The following ARPC2 variants were observed in gnomAD, a reference collection of about 807,000 sequenced individuals.
ARPC2 encodes actin-related protein 2/3 complex subunit 2.
A neutral mutation model predicts 38.6 loss-of-function variants in ARPC2; 4 were observed. The observed-to-expected ratio is 0.10, with a 90% CI of 0.05 to 0.24. The LOEUF (loss-of-function observed/expected upper bound fraction) is 0.24. Among genes scored for constraint, ARPC2 ranks in the 10% least tolerant of loss-of-function variants. The pLI is 1.00. For missense variants in ARPC2, 229 were observed against 387.3 expected, an observed-to-expected ratio of 0.59 and a Z score of 3.43; for synonymous variants, 125 against 140.8, an observed-to-expected ratio of 0.89 and a Z score of 0.79.
At chr2:218,231,919 C>T (rs558952328) in intron 4 of ARPC2, among the ~76,000 whole-genome samples, 119 of 142,922 alleles carry the variant, frequency 8.3e-4, no homozygotes, top group African/African-American at 2.9e-3. Context: ...GCCTGGGCAA[C>T]GTAGTGAGAC....
intron 10 of ARPC2, among the ~76,000 whole-genome samples, chr2:218,250,811 G>A (rs1284771716): frequency 6.6e-6 from 1 of 152,110 alleles, no homozygotes; most frequent in Non-Finnish European, 1.5e-5. Flanking sequence ...AGGCAGTCCT[G>A]TCCTTAAGAT....
chr2:218,224,078 A>G (rs1449625417), intron 2 of ARPC2, among the ~76,000 whole-genome samples: 1 of 152,202 alleles, frequency 6.6e-6, no homozygotes, highest in Non-Finnish European at 1.5e-5. Context: ...AAACTAAAAT[A>G]TTAATGAATG....
intron 2 of ARPC2, among the ~76,000 whole-genome samples, chr2:218,224,594 A>G (rs1429259512): frequency 6.6e-6 from 1 of 152,128 alleles, no homozygotes; most frequent in Non-Finnish European, 1.5e-5. Context: ...AGCAATTTAA[A>G]TTTTCATCTA....
At chr2:218,237,309 C>T (rs1220595244) in intron 5 of ARPC2, among the ~76,000 whole-genome samples, 1 of 152,128 alleles carries the variant, frequency 6.6e-6, no homozygotes, top group African/African-American at 2.4e-5. Flanking sequence ...AAGCAATTCT[C>T]CTGCCTCAGC....
Position 218,225,959 on chromosome 2 carries a change from G to T in ARPC2, c.109+5G>T. On this transcript the variant is annotated splice_donor_5th_base_variant and intron_variant, in intron 3 of 10. Transcript: ENST00000315717. ...CAGTAGAAGTAACATTTGCAGGTAA[G>T]CATCTTTATCTCAGCCCTCTGAAGA... 1 of 1,613,494 alleles carries T rather than the reference G, an allele frequency of 6.2e-7. No homozygotes were observed. The highest frequency in any genetic ancestry group is 8.5e-7 in the Non-Finnish European group (1 of 1,179,562).
chr2:218,246,317 G>A (rs1457283119), intron 8 of ARPC2, among the ~76,000 whole-genome samples: 1 of 151,906 alleles, frequency 6.6e-6, no homozygotes, highest in African/African-American at 2.4e-5. Context: ...GAGGTCAGGA[G>A]TTCGAGACCA....
rs1180232268 is a variant in ARPC2 at position 218,217,235 on chromosome 2, G to A, written c.-28G>A. The A allele has an allele frequency of 8.1e-6, 4 of 496,414 alleles. No homozygotes were observed. The East Asian group carries it at 1.4e-4, about 18-fold the overall frequency. The allele number at this position is 496,414 out of a possible 1,614,324, so 30.8% of individuals were successfully genotyped here. On this transcript the variant is annotated 5_prime_UTR_variant, in exon 1 of 11. Transcript: ENST00000315717. ...GCGGCGGCGGCGGCTCGGCAGGCGGGTTCAGGCTTCGGGGGCCAGGTCGGT... is the reference window on the plus strand; with the variant it reads ...GCGGCGGCGGCGGCTCGGCAGGCGGATTCAGGCTTCGGGGGCCAGGTCGGT...
At chr2:218,234,421 T>C (rs1689718480) in intron 5 of ARPC2, 24 bp downstream of exon 5, 1 of 1,558,382 alleles carries the variant, frequency 6.4e-7, no homozygotes, top group African/African-American at 1.4e-5. Context: ...TGAGCAACTA[T>C]GGAATGACAT....
Position 218,249,922 on chromosome 2 carries a change from G to A in ARPC2, c.878+1G>A. ...AGAAAAAAGAAATGAAAACAATCAC[G>A]TAAGTTAGGCAGCACCCCAGCGACC... On this transcript the variant is annotated splice_donor_variant, in intron 10 of 10. Transcript: ENST00000315717. LOFTEE classifies it high-confidence loss of function. 6.2e-7 allele frequency: 1 copy of A among 1,606,550 alleles called. No homozygotes were observed. Among genetic ancestry groups the A allele is most frequent in the Non-Finnish European group, 8.5e-7 (1 of 1,175,856 alleles).
At chr2:218,253,371 A>G (rs114563342) in intron 10 of ARPC2, among the ~76,000 whole-genome samples, 4,729 of 152,270 alleles carry the variant, frequency 0.031, 77 homozygotes, top group African/African-American at 0.034. Context: ...CAGGTGTTGT[A>G]TAAGCCAGAG....
At chr2:218,241,569 G>T (rs1327882952) in intron 7 of ARPC2, among the ~76,000 whole-genome samples, 2 of 152,184 alleles carry the variant, frequency 1.3e-5, no homozygotes, top group Non-Finnish European at 2.9e-5. Context: ...TTTAGATTTG[G>T]CTGGTTTTTT....
chr2:218,226,699 A>G (rs1044858231), intron 3 of ARPC2, among the ~76,000 whole-genome samples: 20 of 147,772 alleles, frequency 1.4e-4, no homozygotes, highest in African/African-American at 5.0e-4. Flanking sequence ...TGAGCTCTTT[A>G]TAATAGATGA....
intron 10 of ARPC2, chr2:218,253,003 C>T: frequency 2.2e-6 from 1 of 456,922 alleles, no homozygotes; most frequent in Non-Finnish European, 4.4e-6. Flanking sequence ...CAGCTGCATC[C>T]ACCCTGAAAA....
At chr2:218,226,899 C>T (rs2106145857) in intron 3 of ARPC2, 2 of 397,726 alleles carry the variant, frequency 5.0e-6, no homozygotes. Context: ...AGTAGGGAAA[C>T]ATGAACAGCT....
At chr2:218,219,423 C>G (rs987624080) in intron 2 of ARPC2, among the ~76,000 whole-genome samples, 2 of 151,542 alleles carry the variant, frequency 1.3e-5, no homozygotes, top group Non-Finnish European at 2.9e-5. Flanking sequence ...GATCTCTGCT[C>G]ACTGCAACCT....
rs1574583605 is a variant in ARPC2 at position 218,234,293 on chromosome 2, T to C, written c.223-59T>C. ...GGCAAGTGCAGTACTTTAAAAATAA[T>C]GAAATTATCATGGCCTTTGGATTAA... On this transcript the variant is annotated intron_variant, in intron 4 of 10. Coordinates refer to ENST00000315717, the MANE Select transcript of ARPC2 (RefSeq NM_152862.3). 8.8e-6 allele frequency: 12 copies of C among 1,367,288 alleles called. No individual in the cohort carries two copies. In the East Asian group the frequency reaches 2.1e-4, roughly 24 times the overall value. The allele number at this position is 1,367,288 out of a possible 1,614,324, so 84.7% of individuals were successfully genotyped here. A position where few individuals can be genotyped will look rare whatever the true frequency, so the allele number is the denominator to read the frequency against.
chr2:218,225,391 T>C (rs1689472981), intron 2 of ARPC2, among the ~76,000 whole-genome samples: 1 of 152,316 alleles, frequency 6.6e-6, no homozygotes, highest in South Asian at 2.1e-4. Context: ...ACTTTGGTGA[T>C]GTAAAGGAAG....
chr2:218,221,234 G>T (rs1015378846), intron 2 of ARPC2, among the ~76,000 whole-genome samples: 1 of 152,146 alleles, frequency 6.6e-6, no homozygotes, highest in African/African-American at 2.4e-5. Context: ...TGGTTCCATG[G>T]GGGGGAGTGA....
chr2:218,225,696 C>G (rs6757125), intron 2 of ARPC2, among the ~76,000 whole-genome samples: 8,518 of 137,428 alleles, frequency 0.062, 813 homozygotes, highest in African/African-American at 0.2. Context: ...AAAGCTATAG[C>G]TGGCCTTCCT....
Sources: gnomAD v4.1 joint callset for allele counts (sites outside exome capture counted in the v4.1 genomes callset) on GRCh38, gnomAD v4.1.1 for gene constraint, MANE v1.5 for transcripts, NCBI Gene and HGNC (gene_info 2026-07-23, HGNC 2026-07-21) for gene names.